Variants in LRRC9 observed in about 807,000 individuals in gnomAD.
LRRC9 encodes the protein leucine rich repeat containing 9, also known as leucine-rich repeat-containing protein 9.
In LRRC9, 122 loss-of-function variants were observed where a neutral mutation model predicts 63.2. The ratio of observed to expected loss-of-function variants is 1.93; its 90% CI spans 1.67 to 2.24. The LOEUF (loss-of-function observed/expected upper bound fraction) is 2.24, where lower values mean the gene tolerates loss of function less well. LRRC9 is among the 30% of genes most tolerant of loss of function. The probability of loss-of-function intolerance (pLI) is 0.00; values close to 1 mark genes in which losing one functional copy is unlikely to be tolerated. For synonymous variants in LRRC9, 366 were observed against 213.1 expected, an observed-to-expected ratio of 1.72 and a Z score of -6.25; for missense variants, 1,071 against 627.7, an observed-to-expected ratio of 1.71 and a Z score of -7.55.
chr14:60,033,414 A>G (rs889182029), intron 29 of LRRC9, among the ~76,000 whole-genome samples: 2 of 152,156 alleles, frequency 1.3e-5, no homozygotes, highest in African/African-American at 4.8e-5. Flanking sequence ...ACTACTTAAT[A>G]TGATGTTTTC....
Position 59,927,517 on chromosome 14 carries a change from ATAC to A in LRRC9, c.-33-393_-33-391del, listed in dbSNP as rs1159347854. On this transcript the variant is annotated intron_variant, in intron 1 of 31. Transcript: ENST00000445360. The surrounding 1 kb of genome is among the most constrained non-coding windows in gnomAD (Gnocchi z 4.4). Reference sequence around the variant, plus strand: ...GTTCACGTTTAGACACCGCAGTGTAATACAAAGGACAACTAGAGCCTGTTCAAA... The same window carrying A: ...GTTCACGTTTAGACACCGCAGTGTAAAAAGGACAACTAGAGCCTGTTCAAA... Among the ~76,000 whole-genome samples, 2 of 152,044 alleles carry A rather than the reference ATAC, an allele frequency of 1.3e-5. No individual in the cohort carries two copies. The highest frequency in any genetic ancestry group is 1.3e-4 in the Admixed American group (2 of 15,252).
chr14:60,037,245 T>C (rs563461228), intron 29 of LRRC9, among the ~76,000 whole-genome samples: 2 of 152,356 alleles, frequency 1.3e-5, no homozygotes, highest in Admixed American at 1.3e-4. Flanking sequence ...TGTGTCTTTA[T>C]AACAGCTTGG....
intron 17 of LRRC9, among the ~76,000 whole-genome samples, chr14:59,995,261 GA>G (rs1392755587): frequency 6.6e-6 from 1 of 152,208 alleles, no homozygotes; most frequent in East Asian, 1.9e-4. Flanking sequence ...GAATATCTGG[GA>G]GAAGGAAATA....
rs995232597 is a variant in LRRC9 at position 59,936,469 on chromosome 14, G to C, written c.544-1921G>C. Among the ~76,000 whole-genome samples the C allele has an allele frequency of 1.9e-4, 29 of 152,082 alleles. No individual in the cohort carries two copies. The highest frequency in any genetic ancestry group is 7.0e-4 in the African/African-American group (29 of 41,422). On this transcript the variant is annotated intron_variant, in intron 6 of 31. Coordinates refer to ENST00000445360, the Ensembl canonical transcript of LRRC9. This position sits in a 1 kb window ranked among gnomAD's most constrained non-coding sequence, Gnocchi z 4.2. Reference sequence around the variant, plus strand: ...CACCTTCCAACCATACCAGGCACCAGAGCACTAATTTTCAGTGAGATTTTG... The same window carrying C: ...CACCTTCCAACCATACCAGGCACCACAGCACTAATTTTCAGTGAGATTTTG...
At chr14:59,997,448 G>A (rs1888917998) in intron 17 of LRRC9, among the ~76,000 whole-genome samples, 1 of 152,062 alleles carries the variant, frequency 6.6e-6, no homozygotes, top group South Asian at 2.1e-4. Context: ...GGTAAAATAT[G>A]AATTGAAAGA....
intron 30 of LRRC9, among the ~76,000 whole-genome samples, chr14:60,056,856 T>C (rs1373109709): frequency 6.6e-6 from 1 of 152,184 alleles, no homozygotes; most frequent in Admixed American, 6.5e-5. Context: ...TTTGTCTTAG[T>C]TGCTACTGGC....
rs557278343 is a variant in LRRC9, at chr14:59,990,992, G to A, written c.2211+5768G>A. 2.5e-4 allele frequency among the ~76,000 whole-genome samples: 38 copies of A among 152,268 alleles called. No individual in the cohort carries two copies. In the East Asian group the frequency reaches 3.9e-3, roughly 15 times the overall value. ...GTCATGTAGTTTTGTTGTAAACATT[G>A]TCCATGAAAATTTGGTTTTATCTAT... On this transcript the variant is annotated intron_variant, in intron 17 of 31. Coordinates refer to ENST00000445360, the Ensembl canonical transcript of LRRC9. This position sits in a 1 kb window ranked among gnomAD's most constrained non-coding sequence, Gnocchi z 4.2.
intron 3 of LRRC9, among the ~76,000 whole-genome samples, chr14:59,928,796 A>G (rs1018541441): frequency 3.3e-5 from 5 of 152,166 alleles, no homozygotes; most frequent in African/African-American, 1.2e-4. Flanking sequence ...CTGATCTTCG[A>G]CAAAGATGAC....
Position 59,962,019 on chromosome 14 carries a change from C to T in LRRC9, c.1211+974C>T, listed in dbSNP as rs565205885. On this transcript the variant is annotated intron_variant, in intron 10 of 31. Coordinates refer to ENST00000445360, the Ensembl canonical transcript of LRRC9. The surrounding 1 kb of genome is among the most constrained non-coding windows in gnomAD (Gnocchi z 5.1). ...AATTTTTATAGTGTAGAATGTAAAA[C>T]TTACACTAACTTTTTAGAAAAAAAA... Among the ~76,000 whole-genome samples, 1 of 152,132 alleles carries T rather than the reference C, an allele frequency of 6.6e-6. No homozygotes were observed. The highest frequency in any genetic ancestry group is 2.1e-4 in the South Asian group (1 of 4,816).
chr14:60,041,474 C>T (rs1411886192), intron 29 of LRRC9, among the ~76,000 whole-genome samples: 1 of 152,046 alleles, frequency 6.6e-6, no homozygotes, highest in Non-Finnish European at 1.5e-5. Context: ...CTAAACTTCT[C>T]ACTTCATTTC....
intron 17 of LRRC9, among the ~76,000 whole-genome samples, chr14:59,992,425 G>A (rs965724787): frequency 1.8e-4 from 28 of 152,302 alleles, no homozygotes; most frequent in African/African-American, 6.5e-4. Flanking sequence ...CCAAAGGAAC[G>A]CAGCTCCTCA....
chr14:59,975,769 A>G (rs980550163), intron 13 of LRRC9, among the ~76,000 whole-genome samples: 5 of 152,336 alleles, frequency 3.3e-5, no homozygotes, highest in Admixed American at 6.5e-5. Flanking sequence ...CAAAGAATGT[A>G]TAATATGGAG....
chr14:59,977,295 A>G (rs1269656977), exon 14 of LRRC9: 1 of 700,792 alleles, frequency 1.4e-6, no homozygotes, highest in South Asian at 1.5e-5. Context: ...CCATCAGTCA[A>G]TCCAACTATC....
chr14:59,944,843 A>T (rs1351313775), intron 8 of LRRC9, 99 bp downstream of exon 8: 11 of 517,620 alleles, frequency 2.1e-5, no homozygotes, highest in Non-Finnish European at 3.3e-5. Flanking sequence ...ATACACACAT[A>T]TATAATACAC....
At chr14:60,061,464 T>G (rs1199325220) in intron 31 of LRRC9, among the ~76,000 whole-genome samples, 1 of 152,164 alleles carries the variant, frequency 6.6e-6, no homozygotes, top group Non-Finnish European at 1.5e-5. Context: ...AATTAAGGTA[T>G]GTACATTGTT....
Position 59,944,679 on chromosome 14 carries a change from C to CA in LRRC9, c.822dup (p.Cys275MetfsTer27). On this transcript the variant is annotated frameshift_variant, in exon 8 of 32. Coordinates refer to ENST00000445360, the Ensembl canonical transcript of LRRC9. LOFTEE classifies it high-confidence loss of function. Reference sequence around the variant, plus strand: ...AGAAGACCTTGAAAAACTGAATGATCAAAAATGCAAATTACAAAAGTTGCC... The same window carrying CA: ...AGAAGACCTTGAAAAACTGAATGATCAAAAAATGCAAATTACAAAAGTTGCC... 3.0e-6 allele frequency: 2 copies of CA among 662,504 alleles called. No individual in the cohort carries two copies. The highest frequency in any genetic ancestry group is 1.8e-5 in the African/African-American group (1 of 55,266). 41.0% of individuals were successfully genotyped at this position (662,504 alleles called of 1,614,324 possible). A position where few individuals can be genotyped will look rare whatever the true frequency, so the allele number is the denominator to read the frequency against.
chr14:60,048,402 T>C (rs1893614193), intron 29 of LRRC9, among the ~76,000 whole-genome samples: 1 of 151,866 alleles, frequency 6.6e-6, no homozygotes, highest in Non-Finnish European at 1.5e-5. Flanking sequence ...ACTAGACTAG[T>C]AAAGAAGAAA....
At chr14:59,989,881 G>T (rs1887871844) in intron 17 of LRRC9, among the ~76,000 whole-genome samples, 2 of 149,556 alleles carry the variant, frequency 1.3e-5, no homozygotes, top group African/African-American at 2.5e-5. Flanking sequence ...CTTACTCTGA[G>T]ATTTTTTTGG....
intron 6 of LRRC9, among the ~76,000 whole-genome samples, chr14:59,934,729 C>G (rs536465498): frequency 6.6e-6 from 1 of 152,250 alleles, no homozygotes; most frequent in African/African-American, 2.4e-5. Flanking sequence ...TACACTAAAT[C>G]TTTAAATCAT....
Sources: gnomAD v4.1 joint callset for allele counts (sites outside exome capture counted in the v4.1 genomes callset) on GRCh38, gnomAD v4.1.1 for gene constraint, Gnocchi (gnomAD v3.1) non-coding constraint, MANE v1.5 for transcripts, NCBI Gene and HGNC (gene_info 2026-07-23, HGNC 2026-07-21) for gene names.